C11orf98: variants seen among roughly 807,000 people sequenced by gnomAD.
C11orf98 encodes chromosome 11 open reading frame 98.
C11orf98 carries 7 observed loss-of-function variants against 10.9 expected under a neutral mutation model. That is an observed-to-expected ratio of 0.64 (90% CI 0.37 to 1.21). C11orf98 has a LOEUF of 1.21. C11orf98 is among the 50% of genes most tolerant of loss of function. C11orf98 has a pLI of 0.02. For synonymous variants in C11orf98, 70 were observed against 57.2 expected, an observed-to-expected ratio of 1.22 and a Z score of -1.01; for missense variants, 181 against 153.7, an observed-to-expected ratio of 1.18 and a Z score of -0.94.
At chr11:62,665,003 G>A (rs766838791) in intron 1 of C11orf98, 30 bp from the exon 2 acceptor site, 4 of 1,605,286 alleles carry the variant, frequency 2.5e-6, no homozygotes, top group African/African-American at 2.7e-5. Context: ...GAATCAGATG[G>A]AGTGGGCTCG....
At position 62,664,917 on chromosome 11, in the gene C11orf98, C is replaced by G; in HGVS notation, c.96G>C (p.Leu32=). The part of the protein sequence containing the change: ...RRRVLNRERR[L]RHRVVGAVID... Reference sequence around the variant, plus strand: ...TCACAGCCCCGACCACCCGGTGCCTCAGACGCCGCTCCCGATTCAACACCC... The same window carrying G: ...TCACAGCCCCGACCACCCGGTGCCTGAGACGCCGCTCCCGATTCAACACCC... The change falls in exon 2 of 4, where the codon CTG becomes CTC. Residue 32 remains leucine, a synonymous_variant. Coordinates refer to ENST00000524958, the MANE Select transcript of C11orf98 (RefSeq NM_001286086.2). 6.2e-7 allele frequency: 1 copy of G among 1,603,124 alleles called. No individual in the cohort carries two copies. The highest frequency in any genetic ancestry group is 8.5e-7 in the Non-Finnish European group (1 of 1,175,186).
Position 62,663,256 on chromosome 11 carries a change from T to C in C11orf98, c.242A>G (p.Lys81Arg), listed in dbSNP as rs753812136. Residue 81 changes from lysine to arginine, a missense_variant, in exon 3 of 4, where the codon AAA becomes AGA. Lys to Arg is a conservative substitution (Grantham distance 26, BLOSUM62 2). Transcript: ENST00000524958. ...CTCACCTTCCATGGCTGTCTTCTCTTTCTGGGCAAGCCGGATCTGCTGGAG... is the reference window on the plus strand; with the variant it reads ...CTCACCTTCCATGGCTGTCTTCTCTCTCTGGGCAAGCCGGATCTGCTGGAG... ...KLLQQIRLAQ[K>R]EKTAMEVEAP... 1.9e-6 allele frequency: 3 copies of C among 1,614,186 alleles called. No homozygotes were observed. The highest frequency in any genetic ancestry group is 1.1e-5 in the South Asian group (1 of 91,090).
Position 62,664,850 on chromosome 11 carries a change from C to T in C11orf98, c.163G>A (p.Ala55Thr). Reference sequence around the variant, plus strand: ...ACAGGAAGAGGGTCTAGTACTTACGCCCGCTTCTTGAGGTGGTGCCGCGTG... The same window carrying T: ...ACAGGAAGAGGGTCTAGTACTTACGTCCGCTTCTTGAGGTGGTGCCGCGTG... Reference protein sequence around the residue: ...LITRHHLKKRASSARANITLS... With the variant: ...LITRHHLKKRTSSARANITLS... Residue 55 changes from alanine to threonine, a missense_variant and splice_region_variant, in exon 2 of 4, where the codon GCG (alanine) becomes ACG (threonine). Coordinates refer to ENST00000524958, the MANE Select transcript of C11orf98 (RefSeq NM_001286086.2). 1 of 1,565,932 alleles carries T rather than the reference C, an allele frequency of 6.4e-7. No homozygotes were observed. The highest frequency in any genetic ancestry group is 8.7e-7 in the Non-Finnish European group (1 of 1,154,852).
rs758042426 is a variant in C11orf98, at chr11:62,664,953, G to A, written c.60C>T (p.Phe20=). The A allele has an allele frequency of 1.2e-5, 19 of 1,612,002 alleles. No homozygotes were observed. The highest frequency in any genetic ancestry group is 1.3e-5 in the Non-Finnish European group (15 of 1,179,492). ...CCCGATTCAACACCCGCCGGCGTTTGAACAGCTTCTTCTTCAGCTCCTGCC... is the reference window on the plus strand; with the variant it reads ...CCCGATTCAACACCCGCCGGCGTTTAAACAGCTTCTTCTTCAGCTCCTGCC... ...RPRTELKKKL[F]KRRRVLNRER... The change falls in exon 2 of 4, where the codon TTC becomes TTT. Residue 20 remains phenylalanine, a synonymous_variant. Transcript: ENST00000524958.
rs879363467 is a variant in C11orf98, at chr11:62,662,823, T to C, written c.*227A>G. On this transcript the variant is annotated 3_prime_UTR_variant, in exon 4 of 4. Coordinates refer to ENST00000524958, the MANE Select transcript of C11orf98 (RefSeq NM_001286086.2). ...ACATTTAATCACACACATCTCAGAGTGCTAGGGCTTTATTACAAATGGAGT... is the reference window on the plus strand; with the variant it reads ...ACATTTAATCACACACATCTCAGAGCGCTAGGGCTTTATTACAAATGGAGT... The C allele has an allele frequency of 3.6e-6, 2 of 548,502 alleles. No individual in the cohort carries two copies. The highest frequency in any genetic ancestry group is 2.0e-5 in the African/African-American group (1 of 51,002). The allele number at this position is 548,502 out of a possible 1,614,324, so 34.0% of individuals were successfully genotyped here. A position where few individuals can be genotyped will look rare whatever the true frequency, so the allele number is the denominator to read the frequency against.
At chr11:62,664,824 A>G in intron 2 of C11orf98, 25 bp downstream of exon 2, 2 of 1,554,704 alleles carry the variant, frequency 1.3e-6, no homozygotes, top group Non-Finnish European at 8.7e-7. Context: ...GGGGACGACC[A>G]ACAGGAAGAG....
chr11:62,663,680 C>T (rs530104593), intron 2 of C11orf98, among the ~76,000 whole-genome samples: 31 of 122,238 alleles, frequency 2.5e-4, no homozygotes, highest in African/African-American at 9.6e-4. Context: ...GGCGACAAAG[C>T]GAGACTCCGT....
intron 2 of C11orf98, among the ~76,000 whole-genome samples, chr11:62,663,836 G>T (rs1368373505): frequency 1.3e-5 from 2 of 151,760 alleles, no homozygotes; most frequent in African/African-American, 4.8e-5. Context: ...ACTTTGGGAG[G>T]CTGAGGTGGG....
rs1272597726 is a variant in C11orf98, at chr11:62,663,353, A to G, written c.165-20T>C. 9 of 1,610,874 alleles carry G rather than the reference A, an allele frequency of 5.6e-6. No individual in the cohort carries two copies. Among genetic ancestry groups the G allele is most frequent in the African/African-American group, 1.3e-5 (1 of 74,762 alleles). The stretch of plus-strand genomic sequence containing the variant: ...CTGGACCTGATGGGTAAGTGGAAAT[A>G]AAGAGAGCTAGGTTAACCTGAACCA... On this transcript the variant is annotated intron_variant, in intron 2 of 3. Transcript: ENST00000524958.
chr11:62,663,513 T>C (rs1253724251), intron 2 of C11orf98, among the ~76,000 whole-genome samples, 180 bp from the exon 3 acceptor site: 3 of 151,396 alleles, frequency 2.0e-5, no homozygotes, highest in Non-Finnish European at 4.4e-5. Context: ...GAGACCACGG[T>C]GAAACCCTGT....
At chr11:62,663,374 A>T (rs771804464) in intron 2 of C11orf98, 41 bp from the exon 3 acceptor site, 1 of 1,588,024 alleles carries the variant, frequency 6.3e-7, no homozygotes, top group South Asian at 1.1e-5. Flanking sequence ...GGTTAACCTG[A>T]ACCAACTGAG....
At chr11:62,664,347 T>TTG (rs1376818793) in intron 2 of C11orf98, among the ~76,000 whole-genome samples, 6 of 145,362 alleles carry the variant, frequency 4.1e-5, no homozygotes, top group African/African-American at 1.3e-4. Flanking sequence ...TTTTTTTTTT[T>TTG]TGAGACGGAG....
intron 1 of C11orf98, 69 bp downstream of exon 1, chr11:62,665,062 C>A (rs1161155530): frequency 5.1e-6 from 8 of 1,565,378 alleles, no homozygotes; most frequent in Non-Finnish European, 6.9e-6. Context: ...CTCACTGATC[C>A]CATCTCGTGC....
Position 62,663,283 on chromosome 11 carries a change from A to G in C11orf98, c.215T>C (p.Leu72Pro). 1 of 1,614,122 alleles carries G rather than the reference A, an allele frequency of 6.2e-7. No homozygotes were observed. Among genetic ancestry groups the G allele is most frequent in the Non-Finnish European group, 8.5e-7 (1 of 1,180,034 alleles). The change falls in exon 3 of 4, where the codon CTC (leucine) becomes CCC (proline). Residue 72 changes from leucine to proline, a missense_variant. Transcript: ENST00000524958. ...ITLSGKKRRK[L>P]LQQIRLAQKE... Reference sequence around the variant, plus strand: ...CTGGGCAAGCCGGATCTGCTGGAGGAGTTTTCTGCGCTTCTTCCCTGACAG... The same window carrying G: ...CTGGGCAAGCCGGATCTGCTGGAGGGGTTTTCTGCGCTTCTTCCCTGACAG...
rs149127109 is a variant in C11orf98 at position 62,664,816 on chromosome 11, G to A, written c.164+33C>T. On this transcript the variant is annotated intron_variant, in intron 2 of 3. Coordinates refer to ENST00000524958, the MANE Select transcript of C11orf98 (RefSeq NM_001286086.2). ...GCAGGGAGGAAGGAAGACTCGGTGG[G>A]GACGACCAACAGGAAGAGGGTCTAG... The A allele has an allele frequency of 7.5e-4, 1,171 of 1,552,138 alleles. 15 individuals are homozygous for A. The East Asian group carries it at 0.024, about 32-fold the overall frequency.
At chr11:62,664,784 G>C in intron 2 of C11orf98, 65 bp downstream of exon 2, 2 of 1,535,036 alleles carry the variant, frequency 1.3e-6, no homozygotes, top group South Asian at 1.2e-5. Context: ...AGCTGCTCCG[G>C]AGCTCTGCAG....
chr11:62,663,385 G>T, intron 2 of C11orf98, 52 bp from the exon 3 acceptor site: 1 of 1,559,816 alleles, frequency 6.4e-7, no homozygotes, highest in Non-Finnish European at 8.8e-7. Flanking sequence ...ACCAACTGAG[G>T]TCACACAAAT....
Position 62,663,004 on chromosome 11 carries a change from G to A in C11orf98, c.*46C>T, listed in dbSNP as rs781450469. 7.0e-7 allele frequency: 1 copy of A among 1,423,512 alleles called. No homozygotes were observed. Among genetic ancestry groups the A allele is most frequent in the African/African-American group, 1.4e-5 (1 of 69,628 alleles). 88.2% of individuals were successfully genotyped at this position (1,423,512 alleles called of 1,614,324 possible). A position where few individuals can be genotyped will look rare whatever the true frequency, so the allele number is the denominator to read the frequency against. ...GTCAAAGTCCTCTGAAACAACCACTGAGTCTGAAGGCTGGCTCCAGTTGAG... is the reference window on the plus strand; with the variant it reads ...GTCAAAGTCCTCTGAAACAACCACTAAGTCTGAAGGCTGGCTCCAGTTGAG... On this transcript the variant is annotated 3_prime_UTR_variant, in exon 4 of 4. Transcript: ENST00000524958.
intron 2 of C11orf98, 65 bp from the exon 3 acceptor site, chr11:62,663,398 T>A: frequency 1.3e-6 from 2 of 1,514,280 alleles, no homozygotes; most frequent in Non-Finnish European, 1.8e-6. Context: ...ACACAAATAG[T>A]TCTGGCTATA....
Sources: allele counts gnomAD v4.1 joint callset (sites outside exome capture counted in the v4.1 genomes callset), GRCh38; gene constraint gnomAD v4.1.1; transcripts MANE v1.5; gene names NCBI Gene and HGNC (gene_info 2026-07-23, HGNC 2026-07-21).